The following MGAT4A variants were observed in gnomAD, a reference collection of about 807,000 sequenced individuals.
The protein encoded by MGAT4A is alpha-1,3-mannosyl-glycoprotein 4-beta-N-acetylglucosaminyltransferase A.
Under a neutral mutation model 74.1 loss-of-function variants are expected in MGAT4A, and 33 were observed. That is an observed-to-expected ratio of 0.45 (90% confidence interval 0.34 to 0.60). The LOEUF (loss-of-function observed/expected upper bound fraction) is 0.60, where lower values mean the gene tolerates loss of function less well. MGAT4A is among the 20% of genes least tolerant of loss of function. MGAT4A has a pLI of 0.02. For synonymous variants in MGAT4A, 198 were observed against 210.4 expected (o/e 0.94, Z 0.51); for missense variants, 479 against 628.3 (o/e 0.76, Z 2.54).
At chr2:98,663,417 T>C in intron 4 of MGAT4A, 5 of 1,496,702 alleles carry the variant, frequency 3.3e-6, no homozygotes, top group South Asian at 1.3e-5. Flanking sequence ...GACATTAAAC[T>C]TCACACTAAA....
At position 98,631,582 on chromosome 2, in the gene MGAT4A, C is replaced by T. The variant is rs977093631; in HGVS notation, c.1468+3640G>A. Among the ~76,000 whole-genome samples, 6 of 152,198 alleles carry T rather than the reference C, an allele frequency of 3.9e-5. No homozygotes were observed. In the East Asian group the frequency reaches 7.7e-4, roughly 20 times the overall value. The stretch of plus-strand genomic sequence containing the variant: ...ACGGGCGGGCGGAAGAGCACACCCG[C>T]GGATGCTGGCAGGCCATCGATGGGC... On this transcript the variant is annotated intron_variant, in intron 14 of 15. Coordinates refer to ENST00000393487, the MANE Select transcript of MGAT4A (RefSeq NM_012214.3).
At chr2:98,656,742 A>G (rs1277620677) in intron 6 of MGAT4A, among the ~76,000 whole-genome samples, 3 of 152,206 alleles carry the variant, frequency 2.0e-5, no homozygotes, top group South Asian at 4.1e-4. Flanking sequence ...AGCCAACTGC[A>G]GGCATTAACG....
At chr2:98,694,878 CA>C in intron 2 of MGAT4A, 2 of 153,884 alleles carry the variant, frequency 1.3e-5, no homozygotes, top group South Asian at 4.1e-4. Flanking sequence ...AGATAATTCC[CA>C]GGAGCTTACC....
intron 14 of MGAT4A, among the ~76,000 whole-genome samples, chr2:98,634,655 A>G (rs1251263700): frequency 6.6e-6 from 1 of 151,212 alleles, no homozygotes; most frequent in East Asian, 1.9e-4. Context: ...CAAGACTTTC[A>G]GATGAAAAAC....
rs994450501 is a variant in MGAT4A, at chr2:98,660,937, C to T, written c.537+2109G>A. 2.6e-5 allele frequency among the ~76,000 whole-genome samples: 4 copies of T among 152,162 alleles called. 1 individual carries two copies. Among genetic ancestry groups the T allele is most frequent in the African/African-American group, 9.7e-5 (4 of 41,444 alleles). ...CAAATAGGATCACATCTAACTAAAACTCTTCTACATGGCAAAGGAAATAAT... is the reference window on the plus strand; with the variant it reads ...CAAATAGGATCACATCTAACTAAAATTCTTCTACATGGCAAAGGAAATAAT... On this transcript the variant is annotated intron_variant, in intron 5 of 15. Coordinates refer to ENST00000393487, the MANE Select transcript of MGAT4A (RefSeq NM_012214.3).
intron 4 of MGAT4A, among the ~76,000 whole-genome samples, chr2:98,666,861 A>G (rs528096427): frequency 2.6e-5 from 4 of 152,192 alleles, no homozygotes; most frequent in African/African-American, 7.2e-5. Flanking sequence ...TATCCCTACC[A>G]TACTCTCGAG....
intron 3 of MGAT4A, among the ~76,000 whole-genome samples, chr2:98,676,252 C>A (rs1701975011): frequency 6.6e-6 from 1 of 152,158 alleles, no homozygotes. Context: ...AGTTTAATCT[C>A]ATGCGTAAAG....
intron 2 of MGAT4A, among the ~76,000 whole-genome samples, chr2:98,714,213 A>C (rs12622931): frequency 0.21 from 31,524 of 152,040 alleles, 3,641 homozygotes; most frequent in African/African-American, 0.29. Context: ...TCAGACTCCC[A>C]AACAGCTGGA....
At chr2:98,723,134 C>G (rs1230262280) in intron 2 of MGAT4A, among the ~76,000 whole-genome samples, 2 of 152,154 alleles carry the variant, frequency 1.3e-5, no homozygotes, top group African/African-American at 4.8e-5. Flanking sequence ...TATGCCAATC[C>G]CATGGACCAG....
intron 2 of MGAT4A, among the ~76,000 whole-genome samples, chr2:98,699,095 T>C (rs1029157854): frequency 1.3e-5 from 2 of 152,108 alleles, no homozygotes. Context: ...GGAGAGAAGT[T>C]TGGAAGAAAC....
chr2:98,662,414 AATC>A (rs2104270365), intron 5 of MGAT4A, among the ~76,000 whole-genome samples: 1 of 152,330 alleles, frequency 6.6e-6, no homozygotes, highest in South Asian at 2.1e-4. Context: ...CTAATAAGGA[AATC>A]ATCAAGACCA....
rs1701960003 is a variant in MGAT4A at position 98,675,043 on chromosome 2, C to T, written c.395G>A (p.Arg132Lys). The T allele has an allele frequency of 6.2e-7, 1 of 1,608,014 alleles. No homozygotes were observed. Among genetic ancestry groups the T allele is most frequent in the African/African-American group, 1.3e-5 (1 of 74,564 alleles). The change falls in exon 4 of 16, where the codon AGA (arginine) becomes AAA (lysine). Residue 132 changes from arginine to lysine, a missense_variant. This residue lies in a region of MGAT4A where 205 missense variants were observed against 232.7 expected (regional missense o/e 0.88). Coordinates refer to ENST00000393487, the MANE Select transcript of MGAT4A (RefSeq NM_012214.3). ...LQPAVQIGNGRTGVSIVMGIP... is the reference protein window; with the variant it reads ...LQPAVQIGNGKTGVSIVMGIP... ...AAACAAAATAAACATACCTCCTGTT[C>T]TTCCGTTGCCAATCTGTACAGCAGG... is the stretch of plus-strand genomic sequence containing the variant.
intron 3 of MGAT4A, 35 bp downstream of exon 3, chr2:98,678,269 A>T (rs1177292672): frequency 2.7e-5 from 17 of 639,950 alleles, no homozygotes; most frequent in East Asian, 1.3e-4. Flanking sequence ...TATATATATA[A>T]AATCTTTTTA....
At chr2:98,666,780 G>C (rs1169740456) in intron 4 of MGAT4A, among the ~76,000 whole-genome samples, 1 of 152,132 alleles carries the variant, frequency 6.6e-6, no homozygotes. Flanking sequence ...ACTTCACTAT[G>C]ATGAAAGCAA....
At chr2:98,720,521 G>T (rs1289570845) in intron 2 of MGAT4A, among the ~76,000 whole-genome samples, 2 of 152,156 alleles carry the variant, frequency 1.3e-5, no homozygotes, top group Non-Finnish European at 2.9e-5. Flanking sequence ...AGCTTTCCTG[G>T]TTCTCCAGCT....
chr2:98,673,746 C>A (rs565197098), intron 4 of MGAT4A, among the ~76,000 whole-genome samples: 8 of 152,280 alleles, frequency 5.3e-5, no homozygotes, highest in African/African-American at 1.9e-4. Context: ...CTTCTAATTT[C>A]TTTTCATTTG....
intron 2 of MGAT4A, among the ~76,000 whole-genome samples, chr2:98,690,745 A>C (rs1702184422): frequency 1.3e-5 from 2 of 152,234 alleles, no homozygotes; most frequent in East Asian, 1.9e-4. Flanking sequence ...AAAATGCTTC[A>C]ATGGGTACAT....
chr2:98,667,953 T>C (rs966187145), intron 4 of MGAT4A, among the ~76,000 whole-genome samples: 2 of 152,006 alleles, frequency 1.3e-5, no homozygotes, highest in Non-Finnish European at 2.9e-5. Flanking sequence ...CTCCTGACCT[T>C]GTGATCCACC....
intron 2 of MGAT4A, among the ~76,000 whole-genome samples, chr2:98,697,024 C>T (rs1702283967): frequency 6.6e-6 from 1 of 152,178 alleles, no homozygotes; most frequent in African/African-American, 2.4e-5. Context: ...AGATCAATTT[C>T]ATGGGCCATC....
Sources: gnomAD v4.1 joint callset for allele counts (sites outside exome capture counted in the v4.1 genomes callset) on GRCh38, gnomAD v4.1.1 for gene constraint, gnomAD v4.1.1 regional missense constraint, MANE v1.5 for transcripts, NCBI Gene and HGNC (gene_info 2026-07-23, HGNC 2026-07-21) for gene names.